The following SEPTIN9 variants were observed in gnomAD, a reference collection of about 807,000 sequenced individuals.
SEPTIN9 encodes the protein septin 9, also known as septin-9.
SEPTIN9 carries 13 observed loss-of-function variants against 56.6 expected under a neutral mutation model. The ratio of observed to expected loss-of-function variants is 0.23; its 90% CI spans 0.15 to 0.37. The LOEUF (loss-of-function observed/expected upper bound fraction) is 0.37. Ranked by LOEUF, SEPTIN9 falls within the 10% of genes least tolerant of loss-of-function variation. The probability of loss-of-function intolerance (pLI) is 1.00; values close to 1 mark genes in which losing one functional copy is unlikely to be tolerated. For synonymous variants in SEPTIN9, 332 were observed against 334.1 expected (o/e 0.99, Z 0.07); for missense variants, 650 against 823.1 (o/e 0.79, Z 2.57).
At chr17:77,305,014 C>G (rs998886054) in intron 1 of SEPTIN9, among the ~76,000 whole-genome samples, 4 of 152,168 alleles carry the variant, frequency 2.6e-5, no homozygotes, top group African/African-American at 9.7e-5. Flanking sequence ...GAGCTGCACT[C>G]TGGGCCATCT....
intron 1 of SEPTIN9, among the ~76,000 whole-genome samples, chr17:77,291,260 T>C (rs1248649334): frequency 1.3e-5 from 2 of 150,072 alleles, no homozygotes; most frequent in Admixed American, 1.3e-4. Context: ...GGTCTCAAAC[T>C]CCTGACCTCG....
chr17:77,439,089 G>A (rs2037453944), intron 3 of SEPTIN9, among the ~76,000 whole-genome samples: 1 of 152,154 alleles, frequency 6.6e-6, no homozygotes, highest in Non-Finnish European at 1.5e-5. Flanking sequence ...TGCCTGATTT[G>A]CAAGTGAAGA....
chr17:77,491,025 G>A (rs1348013390), intron 8 of SEPTIN9, among the ~76,000 whole-genome samples, 166 bp downstream of exon 8: 1 of 152,308 alleles, frequency 6.6e-6, no homozygotes, highest in African/African-American at 2.4e-5. Context: ...CCAGGTGGCT[G>A]CTGGGGGCCG....
rs1188620088 is a variant in SEPTIN9 at position 77,405,791 on chromosome 17, C to G, written c.721+3088C>G. ...TGTCACGACCGTTCTGGACACGGAT[C>G]CAGTTCTCTCCAACTCAGCTTCCTG... On this transcript the variant is annotated intron_variant, in intron 3 of 11. Transcript: ENST00000427177. The surrounding 1 kb of genome is among the most constrained non-coding windows in gnomAD (Gnocchi z 5.8). Among the ~76,000 whole-genome samples, 1 of 152,196 alleles carries G rather than the reference C, an allele frequency of 6.6e-6. No homozygotes were observed. The highest frequency in any genetic ancestry group is 2.4e-5 in the African/African-American group (1 of 41,446).
intron 2 of SEPTIN9, among the ~76,000 whole-genome samples, chr17:77,353,707 T>A (rs2034132101): frequency 6.6e-6 from 1 of 152,148 alleles, no homozygotes. Context: ...GCTCCATTCT[T>A]TTTGGTTGTC....
At chr17:77,294,103 C>CAA (rs376507344) in intron 1 of SEPTIN9, among the ~76,000 whole-genome samples, 7 of 115,896 alleles carry the variant, frequency 6.0e-5, no homozygotes, top group East Asian at 4.5e-4. Flanking sequence ...GACCATGTCT[C>CAA]AAAAAAAAAA....
rs778427437 is a variant in SEPTIN9 at position 77,409,255 on chromosome 17, A to T, written c.721+6552A>T. Among the ~76,000 whole-genome samples the T allele has an allele frequency of 2.8e-4, 42 of 149,870 alleles. 1 individual carries two copies. The highest frequency in any genetic ancestry group is 3.6e-4 in the Non-Finnish European group (24 of 67,446). On this transcript the variant is annotated intron_variant, in intron 3 of 11. Coordinates refer to ENST00000427177, the MANE Select transcript of SEPTIN9 (RefSeq NM_001113491.2). ...CCTGGAGCCTCTCAGACCTAGGTCT[A>T]GAGTGGGAAGTCCCGCATGTGCTGG...
intron 2 of SEPTIN9, among the ~76,000 whole-genome samples, chr17:77,355,371 C>A (rs560527415): frequency 6.6e-6 from 1 of 152,332 alleles, no homozygotes; most frequent in East Asian, 1.9e-4. Context: ...TTGTCAGCCA[C>A]ATGTGTGTGA....
rs1366421204 is a variant in SEPTIN9, at chr17:77,326,260, G to C, written c.76+19063G>C. Among the ~76,000 whole-genome samples the C allele has an allele frequency of 6.6e-6, 1 of 152,138 alleles. No individual in the cohort carries two copies. Among genetic ancestry groups the C allele is most frequent in the Admixed American group, 6.5e-5 (1 of 15,284 alleles). On this transcript the variant is annotated intron_variant, in intron 2 of 11. Coordinates refer to ENST00000427177, the MANE Select transcript of SEPTIN9 (RefSeq NM_001113491.2). The surrounding 1 kb of genome is among the most constrained non-coding windows in gnomAD (Gnocchi z 5.1). ...GGTGCTCCCTGTGGACTTGGCGCTGGGGTCCCGTGGAGGACAAAGCCAGAC... is the reference window on the plus strand; with the variant it reads ...GGTGCTCCCTGTGGACTTGGCGCTGCGGTCCCGTGGAGGACAAAGCCAGAC...
rs2037188488 is a variant in SEPTIN9 at position 77,432,656 on chromosome 17, T to A, written c.721+29953T>A. 1.3e-5 allele frequency among the ~76,000 whole-genome samples: 2 copies of A among 152,232 alleles called. 1 individual carries two copies. The highest frequency in any genetic ancestry group is 4.1e-4 in the South Asian group (2 of 4,836). On this transcript the variant is annotated intron_variant, in intron 3 of 11. Transcript: ENST00000427177. The stretch of plus-strand genomic sequence containing the variant: ...GAGGAAGGATGGAGTGGGGTTTTTG[T>A]GGGGACTGAGCGGGGGGTGTGTGAG...
intron 3 of SEPTIN9, among the ~76,000 whole-genome samples, chr17:77,465,962 G>T (rs775307563): frequency 6.6e-6 from 1 of 152,114 alleles, no homozygotes; most frequent in Non-Finnish European, 1.5e-5. Context: ...AGACCTTCCT[G>T]GGGGAGGCTG....
chr17:77,392,392 A>G (rs1004326156), intron 2 of SEPTIN9, among the ~76,000 whole-genome samples: 1 of 152,158 alleles, frequency 6.6e-6, no homozygotes, highest in Non-Finnish European at 1.5e-5. Context: ...TTTCAGGGAT[A>G]CTATTGACGC....
chr17:77,304,092 A>T (rs1048779777), intron 1 of SEPTIN9, among the ~76,000 whole-genome samples: 2 of 152,200 alleles, frequency 1.3e-5, no homozygotes, highest in Admixed American at 1.3e-4. Flanking sequence ...AGACTTTTCT[A>T]GCTACCTCTT....
chr17:77,415,206 C>T (rs1036655630), intron 3 of SEPTIN9, among the ~76,000 whole-genome samples: 10 of 152,254 alleles, frequency 6.6e-5, no homozygotes, highest in South Asian at 2.1e-4. Flanking sequence ...CAGGTGGAGG[C>T]GGCTGGAGCG....
chr17:77,498,434 G>C (rs1406163476), intron 11 of SEPTIN9, 89 bp from the exon 12 acceptor site: 2 of 806,010 alleles, frequency 2.5e-6, no homozygotes, highest in Non-Finnish European at 4.1e-6. Context: ...GCGGGCCTGA[G>C]TCCGAGGCAG....
Position 77,487,622 on chromosome 17 carries a change from A to G in SEPTIN9, c.1042+70A>G, listed in dbSNP as rs894391130. ...TCCTGGAGCACAGGGGTTGGGGGTCAAGACCATCACACACAGTCAGTGGCC... is the reference window on the plus strand; with the variant it reads ...TCCTGGAGCACAGGGGTTGGGGGTCGAGACCATCACACACAGTCAGTGGCC... On this transcript the variant is annotated intron_variant, in intron 5 of 11. Coordinates refer to ENST00000427177, the MANE Select transcript of SEPTIN9 (RefSeq NM_001113491.2). This position sits in a 1 kb window ranked among gnomAD's most constrained non-coding sequence, Gnocchi z 4.3. 21 of 1,316,540 alleles carry G rather than the reference A, an allele frequency of 1.6e-5. No homozygotes were observed. The Admixed American group carries it at 3.5e-4, about 22-fold the overall frequency. The allele number at this position is 1,316,540 out of a possible 1,614,324, so 81.6% of individuals were successfully genotyped here. A position where few individuals can be genotyped will look rare whatever the true frequency, so the allele number is the denominator to read the frequency against.
In SEPTIN9 at chr17:77,499,120, G is replaced by A. The variant is rs1236607846; in HGVS notation, c.*462G>A. The A allele has an allele frequency of 7.5e-6, 4 of 535,938 alleles. No homozygotes were observed. Among genetic ancestry groups the A allele is most frequent in the Non-Finnish European group, 1.4e-5 (4 of 276,158 alleles). The allele number at this position is 535,938 out of a possible 1,614,324, so 33.2% of individuals were successfully genotyped here. On this transcript the variant is annotated 3_prime_UTR_variant, in exon 12 of 12. Transcript: ENST00000427177. ...AGTGTGTCAGAGCCCAGGGGAGAATGCAGCCCACCAGGAGCACCTGGACCC... is the reference window on the plus strand; with the variant it reads ...AGTGTGTCAGAGCCCAGGGGAGAATACAGCCCACCAGGAGCACCTGGACCC...
intron 2 of SEPTIN9, among the ~76,000 whole-genome samples, chr17:77,395,473 G>A (rs1218669654): frequency 2.7e-5 from 4 of 150,812 alleles, no homozygotes; most frequent in Non-Finnish European, 2.9e-5. Flanking sequence ...AGCTTGCGGT[G>A]AGCCGAGATT....
intron 1 of SEPTIN9, among the ~76,000 whole-genome samples, chr17:77,283,702 G>A (rs1018392391): frequency 6.6e-6 from 1 of 152,184 alleles, no homozygotes; most frequent in African/African-American, 2.4e-5. Flanking sequence ...GTTGTTCCCG[G>A]TAGACCTGGT....
Sources: gnomAD v4.1 joint callset for allele counts (sites outside exome capture counted in the v4.1 genomes callset) on GRCh38, gnomAD v4.1.1 for gene constraint, Gnocchi (gnomAD v3.1) non-coding constraint, MANE v1.5 for transcripts, NCBI Gene and HGNC (gene_info 2026-07-23, HGNC 2026-07-21) for gene names.